TRAPPC8: variants seen among roughly 807,000 people sequenced by gnomAD.
TRAPPC8 encodes the protein trafficking protein particle complex subunit 8, also known as general sporulation gene 1 homolog.
A neutral mutation model predicts 174.3 loss-of-function variants in TRAPPC8; 54 were observed. The observed-to-expected ratio is 0.31, with a 90% CI of 0.25 to 0.39. TRAPPC8 has a LOEUF of 0.39. TRAPPC8 is among the 10% of genes least tolerant of loss of function. The pLI is 1.00. For synonymous variants in TRAPPC8, 630 were observed against 579.9 expected (o/e 1.09, Z -1.24); for missense variants, 1,531 against 1,699.1 (o/e 0.90, Z 1.74).
Position 31,902,158 on chromosome 18 carries a change from T to C in TRAPPC8, c.1390-1133A>G, listed in dbSNP as rs1021106096. Among the ~76,000 whole-genome samples the C allele has an allele frequency of 2.6e-5, 4 of 152,124 alleles. No homozygotes were observed. The South Asian group carries it at 6.2e-4, about 24-fold the overall frequency. ...GGTGAAACACTGTCTCTAATAATAATACAAAAATTCCTGAACACCCTCAAC... is the reference window on the plus strand; with the variant it reads ...GGTGAAACACTGTCTCTAATAATAACACAAAAATTCCTGAACACCCTCAAC... On this transcript the variant is annotated intron_variant, in intron 9 of 28. Coordinates refer to ENST00000283351, the MANE Select transcript of TRAPPC8 (RefSeq NM_014939.5).
At chr18:31,878,492 A>G (rs952087170) in intron 12 of TRAPPC8, among the ~76,000 whole-genome samples, 2 of 152,232 alleles carry the variant, frequency 1.3e-5, no homozygotes, top group African/African-American at 4.8e-5. Flanking sequence ...GCTCTACAAG[A>G]AATGCTCAAA....
At chr18:31,880,974 CTGATAAAAGAA>C (rs1490464505) in intron 12 of TRAPPC8, among the ~76,000 whole-genome samples, 1 of 151,848 alleles carries the variant, frequency 6.6e-6, no homozygotes, top group African/African-American at 2.4e-5. Flanking sequence ...CTACAAAACA[CTGATAAAAGAA>C]AGTACAGACA....
Position 31,934,593 on chromosome 18 carries a change from C to T in TRAPPC8, c.158-3070G>A, listed in dbSNP as rs2037997537. On this transcript the variant is annotated intron_variant, in intron 1 of 28. Transcript: ENST00000283351. ...TCCTTAAAGTTGCTTCATAGCTGGG[C>T]GCAGTGGCTCACACCTGTAATCCCA... Among the ~76,000 whole-genome samples, 3 of 152,116 alleles carry T rather than the reference C, an allele frequency of 2.0e-5. No individual in the cohort carries two copies. The South Asian group carries it at 6.2e-4, about 31-fold the overall frequency.
intron 27 of TRAPPC8, among the ~76,000 whole-genome samples, chr18:31,836,916 C>G (rs938156881): frequency 1.3e-5 from 2 of 151,984 alleles, no homozygotes; most frequent in South Asian, 4.1e-4. Context: ...TGCCCGCCAC[C>G]ACACCCGGCT....
chr18:31,902,823 G>A (rs1182639568), intron 9 of TRAPPC8, among the ~76,000 whole-genome samples: 1 of 152,106 alleles, frequency 6.6e-6, no homozygotes, highest in Non-Finnish European at 1.5e-5. Flanking sequence ...GCCGAGGCGG[G>A]CGGATCACGA....
At chr18:31,892,699 C>G (rs2145369754) in intron 11 of TRAPPC8, among the ~76,000 whole-genome samples, 2 of 152,244 alleles carry the variant, frequency 1.3e-5, no homozygotes, top group African/African-American at 4.8e-5. Context: ...GTGTTCCACT[C>G]TACTCAGCCA....
At chr18:31,916,571 A>G in intron 3 of TRAPPC8, 125 bp from the exon 4 acceptor site, 1 of 992,842 alleles carries the variant, frequency 1.0e-6, no homozygotes, top group Non-Finnish European at 1.4e-6. Flanking sequence ...CTCACTCTGT[A>G]GCCCAGGCTG....
intron 2 of TRAPPC8, among the ~76,000 whole-genome samples, chr18:31,925,393 A>C (rs1302057921): frequency 6.6e-6 from 1 of 152,140 alleles, no homozygotes; most frequent in African/African-American, 2.4e-5. Flanking sequence ...AAAAAACCCC[A>C]AAAAGACACC....
chr18:31,847,388 C>G (rs973214124), intron 25 of TRAPPC8, among the ~76,000 whole-genome samples: 1 of 152,136 alleles, frequency 6.6e-6, no homozygotes. Context: ...TCAATTGCTT[C>G]TGTGTTGGGG....
At chr18:31,910,788 T>C (rs979650860) in intron 5 of TRAPPC8, among the ~76,000 whole-genome samples, 44 of 152,376 alleles carry the variant, frequency 2.9e-4, no homozygotes, top group Admixed American at 7.8e-4. Flanking sequence ...AGATTTCTGA[T>C]ATTTCTGCTT....
chr18:31,895,826 T>C (rs1166198773), intron 11 of TRAPPC8: 2 of 152,234 alleles, frequency 1.3e-5, no homozygotes, highest in Non-Finnish European at 1.5e-5. Flanking sequence ...TTGTCTGTTA[T>C]CTGTTCATAT....
At chr18:31,928,336 TACACACACACACACAC>T (rs34570497) in intron 2 of TRAPPC8, among the ~76,000 whole-genome samples, 36 of 142,956 alleles carry the variant, frequency 2.5e-4, no homozygotes, top group African/African-American at 8.9e-4. Context: ...ACCTTATCTC[TACACACACACACACAC>T]ACACACACAC....
At chr18:31,906,175 G>GAAA (rs113306306) in intron 9 of TRAPPC8, among the ~76,000 whole-genome samples, 1 of 131,614 alleles carries the variant, frequency 7.6e-6, no homozygotes, top group Non-Finnish European at 1.7e-5. Context: ...CTAAAAATAC[G>GAAA]AAAAAAAAAA....
rs138718273 is a variant in TRAPPC8 at position 31,855,933 on chromosome 18, A to G, written c.3189-126T>C. The G allele has an allele frequency of 6.4e-4, 659 of 1,034,776 alleles. 4 individuals are homozygous for G. Among genetic ancestry groups the G allele is most frequent in the African/African-American group, 5.0e-3 (297 of 59,394 alleles). The allele number at this position is 1,034,776 out of a possible 1,614,324, so 64.1% of individuals were successfully genotyped here. A position where few individuals can be genotyped will look rare whatever the true frequency, so the allele number is the denominator to read the frequency against. ...GACCATTTATACTCTAAAAATCCATAGAATACATTAAGTAAAATTACATAG... is the reference window on the plus strand; with the variant it reads ...GACCATTTATACTCTAAAAATCCATGGAATACATTAAGTAAAATTACATAG... On this transcript the variant is annotated intron_variant, in intron 20 of 28. Transcript: ENST00000283351.
At position 31,849,647 on chromosome 18, in the gene TRAPPC8, T is replaced by C; in HGVS notation, c.3654A>G (p.Thr1218=). ...CAGCATCCTCTGTTGACTGTTTTTC[T>C]GTATGCACAGGCAAGTGAGCTTGTG... ...KKPQAHLPVH[T]EKQSTEDAVR... Residue 1218 remains threonine (T), a synonymous_variant, in exon 25 of 29, where the codon ACA becomes ACG. Coordinates refer to ENST00000283351, the MANE Select transcript of TRAPPC8 (RefSeq NM_014939.5). The C allele has an allele frequency of 1.2e-6, 2 of 1,613,492 alleles. No individual in the cohort carries two copies. The highest frequency in any genetic ancestry group is 1.3e-5 in the African/African-American group (1 of 75,032).
intron 1 of TRAPPC8, among the ~76,000 whole-genome samples, chr18:31,940,332 G>A (rs2038277100): frequency 6.6e-6 from 1 of 151,690 alleles, no homozygotes; most frequent in Non-Finnish European, 1.5e-5. Context: ...AAAATAAGCC[G>A]TGAGCGCCTG....
rs895966922 is a variant in TRAPPC8, at chr18:31,933,468, T to C, written c.158-1945A>G. On this transcript the variant is annotated intron_variant, in intron 1 of 28. Coordinates refer to ENST00000283351, the MANE Select transcript of TRAPPC8 (RefSeq NM_014939.5). ...ATCTGCACATGTGATTACTATCTAC[T>C]TCACGGGATCATTTTAGTGATTTAG... Among the ~76,000 whole-genome samples, 4 of 152,234 alleles carry C rather than the reference T, an allele frequency of 2.6e-5. No individual in the cohort carries two copies. In the East Asian group the frequency reaches 5.8e-4, roughly 22 times the overall value.
chr18:31,881,987 A>G (rs928427323), intron 12 of TRAPPC8, among the ~76,000 whole-genome samples: 1 of 152,122 alleles, frequency 6.6e-6, no homozygotes, highest in Non-Finnish European at 1.5e-5. Context: ...AAAACAGAAC[A>G]GTTATACACT....
At chr18:31,835,199 T>A (rs2032638776) in intron 27 of TRAPPC8, among the ~76,000 whole-genome samples, 1 of 152,120 alleles carries the variant, frequency 6.6e-6, no homozygotes, top group African/African-American at 2.4e-5. Flanking sequence ...ATATTTGAGG[T>A]AAAGATGAAG....
Sources: allele counts gnomAD v4.1 joint callset (sites outside exome capture counted in the v4.1 genomes callset), GRCh38; gene constraint gnomAD v4.1.1; transcripts MANE v1.5; gene names NCBI Gene and HGNC (gene_info 2026-07-23, HGNC 2026-07-21).